The following BCR variants were observed in gnomAD, a reference collection of about 807,000 sequenced individuals.
BCR encodes the protein BCR activator of RhoGEF and GTPase.
BCR carries 58 observed loss-of-function variants against 138.6 expected under a neutral mutation model. The ratio of observed to expected loss-of-function variants is 0.42; its 90% CI spans 0.34 to 0.52. BCR has a LOEUF of 0.52. Ranked by LOEUF, BCR falls within the 20% of genes least tolerant of loss-of-function variation. BCR has a pLI of 0.06. For missense variants in BCR, 1,599 were observed against 1,727.2 expected (o/e 0.93, Z 1.32); for synonymous variants, 786 against 730.1 (o/e 1.08, Z -1.23).
At chr22:23,230,382 C>T (rs1186104590) in intron 1 of BCR, among the ~76,000 whole-genome samples, 1 of 152,196 alleles carries the variant, frequency 6.6e-6, no homozygotes, top group African/African-American at 2.4e-5. Context: ...CCACTACTGC[C>T]CTTAGACAGC....
At chr22:23,282,717 G>A (rs1179248506) in intron 8 of BCR, among the ~76,000 whole-genome samples, 1 of 152,212 alleles carries the variant, frequency 6.6e-6, no homozygotes, top group Non-Finnish European at 1.5e-5. Flanking sequence ...GAGGACAGGT[G>A]CACCGCCTGC....
At chr22:23,183,906 T>C (rs1212180625) in intron 1 of BCR, among the ~76,000 whole-genome samples, 1 of 152,162 alleles carries the variant, frequency 6.6e-6, no homozygotes, top group African/African-American at 2.4e-5. Context: ...ATAGGAATTA[T>C]TATAGAGGGA....
At chr22:23,297,184 G>A (rs182177155) in intron 16 of BCR, among the ~76,000 whole-genome samples, 4 of 148,994 alleles carry the variant, frequency 2.7e-5, no homozygotes, top group South Asian at 2.1e-4. Context: ...TTACAGTCGT[G>A]CCCCACCATG....
intron 1 of BCR, among the ~76,000 whole-genome samples, chr22:23,244,975 T>G (rs913192324): frequency 4.6e-5 from 7 of 152,080 alleles, no homozygotes; most frequent in Non-Finnish European, 7.4e-5. Flanking sequence ...CCTTTAACAG[T>G]GTTCTGGATC....
At chr22:23,236,898 C>T (rs1302367836) in intron 1 of BCR, among the ~76,000 whole-genome samples, 1 of 152,208 alleles carries the variant, frequency 6.6e-6, no homozygotes, top group African/African-American at 2.4e-5. Context: ...GTTGCCAGCC[C>T]TGTGCTGGCT....
At chr22:23,274,667 T>C (rs1001709151) in intron 8 of BCR, among the ~76,000 whole-genome samples, 1 of 151,992 alleles carries the variant, frequency 6.6e-6, no homozygotes, top group African/African-American at 2.4e-5. Flanking sequence ...CCTAGCACTT[T>C]GGGAGGCCTA....
At chr22:23,185,354 T>G (rs2072325942) in intron 1 of BCR, among the ~76,000 whole-genome samples, 1 of 152,156 alleles carries the variant, frequency 6.6e-6, no homozygotes, top group Non-Finnish European at 1.5e-5. Context: ...TAGACGGCTG[T>G]GAGCCCTGCT....
chr22:23,219,226 T>A (rs1355173215), intron 1 of BCR, among the ~76,000 whole-genome samples: 1 of 152,126 alleles, frequency 6.6e-6, no homozygotes, highest in Non-Finnish European at 1.5e-5. Flanking sequence ...ACTGGGTAGG[T>A]GCTTCTCAAG....
intron 9 of BCR, among the ~76,000 whole-genome samples, 191 bp downstream of exon 9, chr22:23,284,289 C>T (rs1453083786): frequency 6.6e-6 from 1 of 151,986 alleles, no homozygotes; most frequent in East Asian, 1.9e-4. Context: ...ATCAGGGTGA[C>T]CAGCTTTGAC....
intron 8 of BCR, among the ~76,000 whole-genome samples, chr22:23,274,533 C>T (rs910963883): frequency 4.6e-5 from 7 of 152,156 alleles, no homozygotes; most frequent in African/African-American, 1.7e-4. Flanking sequence ...TGACCCCCGG[C>T]CTCAGGGGTC....
intron 1 of BCR, among the ~76,000 whole-genome samples, chr22:23,244,684 AG>A (rs2073135564): frequency 6.6e-6 from 1 of 152,230 alleles, no homozygotes; most frequent in Non-Finnish European, 1.5e-5. Context: ...TGCACGTATT[AG>A]ATACTCAGTA....
At chr22:23,241,429 G>A (rs572979010) in intron 1 of BCR, among the ~76,000 whole-genome samples, 1 of 152,146 alleles carries the variant, frequency 6.6e-6, no homozygotes, top group Admixed American at 6.5e-5. Flanking sequence ...CATCCTGGCT[G>A]AGCACCTTTG....
At chr22:23,190,131 A>C (rs1366936185) in intron 1 of BCR, among the ~76,000 whole-genome samples, 1 of 152,114 alleles carries the variant, frequency 6.6e-6, no homozygotes, top group Non-Finnish European at 1.5e-5. Flanking sequence ...TTCTCTGTGC[A>C]TGAACTCCCC....
At chr22:23,313,931 G>A (rs371507662) in intron 20 of BCR, 37 bp from the exon 21 acceptor site, 89 of 1,565,326 alleles carry the variant, frequency 5.7e-5, no homozygotes, top group African/African-American at 1.4e-4. Context: ...TCTCTGGCTC[G>A]TTGTGACCCC....
Position 23,273,073 on chromosome 22 carries a change from C to G in BCR, c.1922-8C>G. 1 of 1,612,410 alleles carries G rather than the reference C, an allele frequency of 6.2e-7. No individual in the cohort carries two copies. The highest frequency in any genetic ancestry group is 1.1e-5 in the South Asian group (1 of 91,050). On this transcript the variant is annotated splice_region_variant and splice_polypyrimidine_tract_variant and intron_variant, in intron 6 of 22. Coordinates refer to ENST00000305877, the MANE Select transcript of BCR (RefSeq NM_004327.4). ...GCAACCTCTCTCACCTCCCCTCTCT[C>G]TCCACAGCTCTGCTCTACAAGCCTG...
At chr22:23,264,401 A>T in intron 4 of BCR, 2 of 771,314 alleles carry the variant, frequency 2.6e-6, no homozygotes. Context: ...GAGACCAGTG[A>T]GTCAGGGACC....
At chr22:23,261,729 G>GA in intron 4 of BCR, 189 bp downstream of exon 4, 1 of 414,118 alleles carries the variant, frequency 2.4e-6, no homozygotes, top group Non-Finnish European at 4.1e-6. Flanking sequence ...GCCATGCCCA[G>GA]CCTTTTTTTT....
chr22:23,227,515 C>G (rs1297092582), intron 1 of BCR, among the ~76,000 whole-genome samples: 1 of 152,208 alleles, frequency 6.6e-6, no homozygotes, highest in African/African-American at 2.4e-5. Context: ...GATGAGCTGT[C>G]AGGGAAGCGT....
At chr22:23,281,948 C>A (rs117283637) in intron 8 of BCR, among the ~76,000 whole-genome samples, 3 of 152,178 alleles carry the variant, frequency 2.0e-5, no homozygotes, top group African/African-American at 7.2e-5. Context: ...GTTTCTTGAC[C>A]GCAGGCAGAG....
Sources: gnomAD v4.1 joint callset for allele counts (sites outside exome capture counted in the v4.1 genomes callset) on GRCh38, gnomAD v4.1.1 for gene constraint, MANE v1.5 for transcripts, NCBI Gene and HGNC (gene_info 2026-07-23, HGNC 2026-07-21) for gene names.